ABCC4: variants seen among roughly 807,000 people sequenced by gnomAD.
ABCC4 encodes the protein ATP-binding cassette sub-family C member 4.
ABCC4 carries 102 observed loss-of-function variants against 168.5 expected under a neutral mutation model. The ratio of observed to expected loss-of-function variants is 0.61; its 90% confidence interval spans 0.52 to 0.71. ABCC4 has a LOEUF of 0.71. Ranked by LOEUF, ABCC4 falls within the 30% of genes least tolerant of loss-of-function variation. The pLI is 0.00. For missense variants in ABCC4, 1,402 were observed against 1,605.8 expected (o/e 0.87, Z 2.17); for synonymous variants, 617 against 590.7 (o/e 1.04, Z -0.65).
chr13:95,152,521 G>A (rs1010897117), intron 19 of ABCC4, among the ~76,000 whole-genome samples: 2 of 152,156 alleles, frequency 1.3e-5, no homozygotes, highest in Non-Finnish European at 2.9e-5. Flanking sequence ...AGACAAGGGG[G>A]AAACAAGGCT....
At chr13:95,273,835 T>TC (rs2040904755) in intron 1 of ABCC4, among the ~76,000 whole-genome samples, 1 of 149,482 alleles carries the variant, frequency 6.7e-6, no homozygotes, top group African/African-American at 2.5e-5. Context: ...TTTTTTTTTT[T>TC]GAGACGGAGT....
intron 20 of ABCC4, among the ~76,000 whole-genome samples, chr13:95,087,251 TGCGGTG>T (rs1566405633): frequency 6.6e-6 from 1 of 151,984 alleles, no homozygotes; most frequent in Non-Finnish European, 1.5e-5. Flanking sequence ...ACTGGCAGGG[TGCGGTG>T]GCTCACGCCT....
At chr13:95,033,499 C>T (rs746537938) in intron 30 of ABCC4, among the ~76,000 whole-genome samples, 1 of 152,144 alleles carries the variant, frequency 6.6e-6, no homozygotes, top group African/African-American at 2.4e-5. Flanking sequence ...AATCAAACTG[C>T]AGTTATCACA....
chr13:95,165,140 T>G (rs1594214821), intron 15 of ABCC4, among the ~76,000 whole-genome samples: 1 of 152,258 alleles, frequency 6.6e-6, no homozygotes, highest in South Asian at 2.1e-4. Flanking sequence ...CAAATTCAAG[T>G]GTCAATACAG....
chr13:95,069,604 A>T (rs930444079), intron 25 of ABCC4, among the ~76,000 whole-genome samples: 2 of 152,076 alleles, frequency 1.3e-5, no homozygotes, highest in Admixed American at 1.3e-4. Context: ...TACCCATTAA[A>T]CACTAATGCC....
chr13:95,062,267 C>T (rs577837114), intron 26 of ABCC4, among the ~76,000 whole-genome samples: 3 of 152,172 alleles, frequency 2.0e-5, no homozygotes, highest in Non-Finnish European at 4.4e-5. Flanking sequence ...TCACAGCCCA[C>T]AGTTTCACAG....
At chr13:95,297,016 A>G (rs747872924) in intron 1 of ABCC4, among the ~76,000 whole-genome samples, 21 of 152,300 alleles carry the variant, frequency 1.4e-4, no homozygotes, top group Non-Finnish European at 2.6e-4. Context: ...CACACCTGTA[A>G]TCCCAGCACT....
At chr13:95,157,925 A>C (rs527451784) in intron 19 of ABCC4, among the ~76,000 whole-genome samples, 1 of 151,762 alleles carries the variant, frequency 6.6e-6, no homozygotes, top group South Asian at 2.1e-4. Context: ...ACAAAAAATT[A>C]GCCGGGCGTG....
chr13:95,048,950 C>T lies in ABCC4; in HGVS notation c.3456+4145G>A, dbSNP rs544538457. 3.9e-5 allele frequency among the ~76,000 whole-genome samples: 6 copies of T among 152,208 alleles called. No homozygotes were observed. The East Asian group carries it at 7.7e-4, about 20-fold the overall frequency. On this transcript the variant is annotated intron_variant, in intron 27 of 30. Coordinates refer to ENST00000645237, the MANE Select transcript of ABCC4 (RefSeq NM_005845.5). ...TACAGAGTTGCTCTTATTTAGGGGC[C>T]CGAAGTGGCACTAATTCTAGTAAAC...
At chr13:95,234,931 C>T (rs2039724377) in intron 3 of ABCC4, 97 bp from the exon 4 acceptor site, 1 of 897,738 alleles carries the variant, frequency 1.1e-6, no homozygotes, top group Admixed American at 2.7e-5. Context: ...TGCTCTGTCA[C>T]CCATGCTGGA....
chr13:95,229,718 G>A (rs1008263827), intron 4 of ABCC4, among the ~76,000 whole-genome samples: 6 of 152,166 alleles, frequency 3.9e-5, no homozygotes, highest in Admixed American at 6.5e-5. Flanking sequence ...CCATTCCATC[G>A]TAGGTCTAGC....
chr13:95,231,333 A>G (rs2039616072), intron 4 of ABCC4, among the ~76,000 whole-genome samples: 1 of 152,244 alleles, frequency 6.6e-6, no homozygotes, highest in African/African-American at 2.4e-5. Flanking sequence ...TTAATGATGA[A>G]AAGCCTAAAG....
In ABCC4 at chr13:95,263,584, A is replaced by G. The variant is rs532711969; in HGVS notation, c.75-15831T>C. ...ACGCCTGTAATCCCAACACTTTGGG[A>G]GGCCAAGGTGGGTGAATCACCTGAG... On this transcript the variant is annotated intron_variant, in intron 1 of 30. Coordinates refer to ENST00000645237, the MANE Select transcript of ABCC4 (RefSeq NM_005845.5). 2.3e-3 allele frequency among the ~76,000 whole-genome samples: 355 copies of G among 152,340 alleles called. 2 individuals carry two copies. Among genetic ancestry groups the G allele is most frequent in the African/African-American group, 7.8e-3 (323 of 41,584 alleles).
intron 30 of ABCC4, among the ~76,000 whole-genome samples, chr13:95,030,734 G>C (rs1465341124): frequency 6.6e-6 from 1 of 152,168 alleles, no homozygotes; most frequent in Admixed American, 6.5e-5. Flanking sequence ...CTGACACCCT[G>C]ATCTCAGACT....
Position 95,234,788 on chromosome 13 carries a change from T to C in ABCC4, c.353A>G (p.Asn118Ser). The part of the protein sequence containing the change: ...IQPIFLGKII[N>S]YFENYDPMDS... Reference sequence around the variant, plus strand: ...CATGGGATCATAATTTTCAAAATAATTAATAATTTTTCCCAAAAATATGGG... The same window carrying C: ...CATGGGATCATAATTTTCAAAATAACTAATAATTTTTCCCAAAAATATGGG... The change falls in exon 4 of 31, where the codon AAT becomes AGT. Residue 118 changes from asparagine (N) to serine (S), a missense_variant. Physicochemically the swap from Asn to Ser is conservative, Grantham distance 46. Around this residue, in one of 3 missense-constraint regions of ABCC4, gnomAD observed 317 missense variants for 345.5 expected, o/e 0.92. Coordinates refer to ENST00000645237, the MANE Select transcript of ABCC4 (RefSeq NM_005845.5). The C allele has an allele frequency of 6.3e-7, 1 of 1,595,764 alleles. No homozygotes were observed. Among genetic ancestry groups the C allele is most frequent in the South Asian group, 1.1e-5 (1 of 88,750 alleles).
intron 10 of ABCC4, among the ~76,000 whole-genome samples, chr13:95,187,484 TC>T (rs954131173): frequency 6.6e-6 from 1 of 152,066 alleles, no homozygotes; most frequent in African/African-American, 2.4e-5. Flanking sequence ...ACGCCTGTAA[TC>T]CCAGCTACTT....
chr13:95,057,508 G>A (rs914455704), intron 26 of ABCC4, among the ~76,000 whole-genome samples: 1 of 152,058 alleles, frequency 6.6e-6, no homozygotes, highest in Non-Finnish European at 1.5e-5. Flanking sequence ...AAAGTGCTGG[G>A]ATTACAGGCG....
Position 95,024,212 on chromosome 13 carries a change from A to AAC in ABCC4, c.3871-2531_3871-2530insGT, listed in dbSNP as rs1352080708. On this transcript the variant is annotated intron_variant, in intron 30 of 30. Transcript: ENST00000645237. ...ACAGAGTGAGAGACTGTCTCAAAAA[A>AAC]AAAAAAAAAAAAAAAAGTTACTCAG... Among the ~76,000 whole-genome samples, 5 of 151,772 alleles carry AAC rather than the reference A, an allele frequency of 3.3e-5. 1 individual carries two copies. In the South Asian group the frequency reaches 1.0e-3, roughly 32 times the overall value.
chr13:95,259,918 G>A (rs1189633377), intron 1 of ABCC4, among the ~76,000 whole-genome samples: 4 of 151,906 alleles, frequency 2.6e-5, no homozygotes, highest in Non-Finnish European at 4.4e-5. Context: ...TCTACTTCTG[G>A]GCTTTCTAAG....
Sources: allele counts gnomAD v4.1 joint callset (sites outside exome capture counted in the v4.1 genomes callset), GRCh38; gene constraint gnomAD v4.1.1; regional missense constraint gnomAD v4.1.1; transcripts MANE v1.5; gene names NCBI Gene and HGNC (gene_info 2026-07-23, HGNC 2026-07-21).